Variants in SNX29 observed in about 807,000 individuals in gnomAD.
SNX29 encodes sorting nexin-29.
A neutral mutation model predicts 102.1 loss-of-function variants in SNX29; 78 were observed. The observed-to-expected ratio is 0.76, with a 90% confidence interval of 0.64 to 0.92. The LOEUF (loss-of-function observed/expected upper bound fraction) is 0.92. SNX29 is among the 40% of genes least tolerant of loss of function. The pLI is 0.00. For missense variants in SNX29, 1,280 were observed against 1,061.7 expected (o/e 1.21, Z -2.86); for synonymous variants, 580 against 414.5 (o/e 1.40, Z -4.85).
intron 19 of SNX29, among the ~76,000 whole-genome samples, chr16:12,480,599 A>G (rs1288439946): frequency 6.6e-6 from 1 of 152,128 alleles, no homozygotes; most frequent in Non-Finnish European, 1.5e-5. Flanking sequence ...TGTGGGGGCC[A>G]TTATTGCGCC....
At chr16:12,340,721 C>T (rs373410914) in intron 15 of SNX29, among the ~76,000 whole-genome samples, 1 of 152,140 alleles carries the variant, frequency 6.6e-6, no homozygotes, top group Non-Finnish European at 1.5e-5. Flanking sequence ...CTTTCACAAC[C>T]CCGGCAGCAA....
intron 20 of SNX29, among the ~76,000 whole-genome samples, chr16:12,556,048 T>G (rs1482824783): frequency 6.6e-6 from 1 of 152,012 alleles, no homozygotes; most frequent in East Asian, 1.9e-4. Flanking sequence ...TGAGTGACGC[T>G]TAAAGGGTGC....
At chr16:12,347,989 G>C (rs2081868198) in intron 15 of SNX29, among the ~76,000 whole-genome samples, 1 of 151,980 alleles carries the variant, frequency 6.6e-6, no homozygotes, top group African/African-American at 2.4e-5. Flanking sequence ...TGAGACAGGA[G>C]GATTGCTTGA....
In SNX29 at chr16:12,298,277, A is replaced by T. The variant is rs373552177; in HGVS notation, c.1782+20241A>T. 1.4e-4 allele frequency among the ~76,000 whole-genome samples: 21 copies of T among 152,346 alleles called. 1 individual carries two copies. The South Asian group carries it at 4.1e-3, about 30-fold the overall frequency. On this transcript the variant is annotated intron_variant, in intron 15 of 20. Coordinates refer to ENST00000566228, the MANE Select transcript of SNX29 (RefSeq NM_032167.5). ...AGCAATGCAATTCATAATGCAATGAATAACTGGTATGATGATGATGACAGT... is the reference window on the plus strand; with the variant it reads ...AGCAATGCAATTCATAATGCAATGATTAACTGGTATGATGATGATGACAGT...
chr16:12,174,180 C>A (rs538260619), intron 13 of SNX29, among the ~76,000 whole-genome samples: 1 of 152,180 alleles, frequency 6.6e-6, no homozygotes, highest in Non-Finnish European at 1.5e-5. Flanking sequence ...CTCTAGAGGG[C>A]AGATAGATGC....
chr16:12,155,224 T>A (rs2055491364), intron 13 of SNX29, among the ~76,000 whole-genome samples: 2 of 152,116 alleles, frequency 1.3e-5, no homozygotes, highest in Admixed American at 1.3e-4. Context: ...CAGGAGGAAA[T>A]GTATTTGGTT....
At chr16:12,144,512 C>T (rs1206153280) in intron 13 of SNX29, among the ~76,000 whole-genome samples, 1 of 152,188 alleles carries the variant, frequency 6.6e-6, no homozygotes, top group Non-Finnish European at 1.5e-5. Context: ...GCGATTCATG[C>T]TGTTATAAAA....
At chr16:12,543,485 C>T (rs1597860723) in intron 20 of SNX29, among the ~76,000 whole-genome samples, 1 of 152,228 alleles carries the variant, frequency 6.6e-6, no homozygotes, top group African/African-American at 2.4e-5. Context: ...AGTAAAGCCA[C>T]AGCCACCTGT....
chr16:11,985,867 C>CT (rs539786732), intron 1 of SNX29, among the ~76,000 whole-genome samples: 59 of 147,346 alleles, frequency 4.0e-4, no homozygotes, highest in Non-Finnish European at 7.1e-4. Context: ...GAGTCTTGCT[C>CT]TGTCACCCAG....
rs1326609974 is a variant in SNX29, at chr16:12,204,928, C to T, written c.1678+5245C>T. Among the ~76,000 whole-genome samples the T allele has an allele frequency of 3.2e-4, 49 of 150,772 alleles. 1 individual carries two copies. The highest frequency in any genetic ancestry group is 3.2e-3 in the Admixed American group (49 of 15,150). ...GCCCTGGGGTGAGCCCAGTGATTCC[C>T]AGCTCCACACCCATGTGCGCTTTGT... is the stretch of plus-strand genomic sequence containing the variant. On this transcript the variant is annotated intron_variant, in intron 14 of 20. Transcript: ENST00000566228.
intron 20 of SNX29, among the ~76,000 whole-genome samples, chr16:12,534,730 C>T (rs140721069): frequency 1.3e-5 from 2 of 152,336 alleles, no homozygotes; most frequent in Non-Finnish European, 2.9e-5. Context: ...CTCACTGCCC[C>T]TTGCCCTACT....
chr16:12,096,415 C>A lies in SNX29; in HGVS notation c.1402+17500C>A, dbSNP rs1434740731. ...GGGATCCAGCTTGGCCATGCACAAG[C>A]TCTGTGTCACATGTTAAAATTTCCC... On this transcript the variant is annotated intron_variant, in intron 11 of 20. Transcript: ENST00000566228. The surrounding 1 kb of genome is among the most constrained non-coding windows in gnomAD (Gnocchi z 4.2). Among the ~76,000 whole-genome samples the A allele has an allele frequency of 6.6e-6, 1 of 152,212 alleles. No individual in the cohort carries two copies. The highest frequency in any genetic ancestry group is 1.9e-4 in the East Asian group (1 of 5,190).
intron 18 of SNX29, among the ~76,000 whole-genome samples, chr16:12,476,341 C>T (rs1297020461): frequency 7.2e-5 from 4 of 55,620 alleles, no homozygotes; most frequent in South Asian, 7.3e-4. Flanking sequence ...AAGGACACAG[C>T]GACATTTCTC....
At chr16:12,526,628 C>T (rs762590758) in intron 20 of SNX29, 5 of 532,480 alleles carry the variant, frequency 9.4e-6, no homozygotes, top group South Asian at 7.7e-5. Flanking sequence ...ATCCCCATGG[C>T]CCAGGGTGCA....
chr16:12,135,734 T>G, intron 13 of SNX29: 1 of 664,090 alleles, frequency 1.5e-6, no homozygotes, highest in Non-Finnish European at 2.3e-6. Flanking sequence ...CTTTCATTCC[T>G]TGAGCCATTT....
Position 12,224,473 on chromosome 16 carries a change from G to A in SNX29, c.1678+24790G>A, listed in dbSNP as rs77359156. Among the ~76,000 whole-genome samples, 978 of 152,248 alleles carry A rather than the reference G, an allele frequency of 6.4e-3. 13 individuals carry two copies. Among genetic ancestry groups the A allele is most frequent in the African/African-American group, 0.022 (925 of 41,532 alleles). On this transcript the variant is annotated intron_variant, in intron 14 of 20. Transcript: ENST00000566228. ...CACCACAGGACGTGTTTCTTAACAC[G>A]GTGCTGAGGACATCCAGGTGCAGCT...
chr16:12,310,395 G>A (rs1009310909), intron 15 of SNX29, among the ~76,000 whole-genome samples: 1 of 152,172 alleles, frequency 6.6e-6, no homozygotes, highest in Non-Finnish European at 1.5e-5. Context: ...CTTTGTGTTA[G>A]CCAACTAGAA....
chr16:12,296,208 G>C (rs1201449237), intron 15 of SNX29, among the ~76,000 whole-genome samples: 3 of 152,176 alleles, frequency 2.0e-5, no homozygotes. Flanking sequence ...ATATCATAAT[G>C]ACTGCCTTCC....
chr16:12,275,689 ATTCT>A (rs1324284406), intron 14 of SNX29, among the ~76,000 whole-genome samples: 1 of 47,230 alleles, frequency 2.1e-5, no homozygotes, highest in African/African-American at 8.3e-5. Flanking sequence ...TTCCTCTCCA[ATTCT>A]TTTTTTTTTT....
Sources: gnomAD v4.1 joint callset for allele counts (sites outside exome capture counted in the v4.1 genomes callset) on GRCh38, gnomAD v4.1.1 for gene constraint, Gnocchi (gnomAD v3.1) non-coding constraint, MANE v1.5 for transcripts, NCBI Gene and HGNC (gene_info 2026-07-23, HGNC 2026-07-21) for gene names.